Variants in USP5 observed in about 807,000 individuals in gnomAD.
USP5 encodes ubiquitin specific peptidase 5.
A neutral mutation model predicts 102.5 loss-of-function variants in USP5; 24 were observed. The ratio of observed to expected loss-of-function variants is 0.23; its 90% CI spans 0.17 to 0.33. The LOEUF (loss-of-function observed/expected upper bound fraction) is 0.33, where lower values mean the gene tolerates loss of function less well. Among genes scored for constraint, USP5 ranks in the 10% least tolerant of loss-of-function variants. USP5 has a pLI of 1.00. For synonymous variants in USP5, 460 were observed against 434.8 expected (o/e 1.06, Z -0.72); for missense variants, 753 against 1,122.1 (o/e 0.67, Z 4.70).
rs781920743 is a variant in USP5, at chr12:6,863,794, A to T, written c.1955-36A>T. On this transcript the variant is annotated intron_variant, in intron 15 of 19. Coordinates refer to ENST00000229268, the MANE Select transcript of USP5 (RefSeq NM_001098536.2). This position sits in a 1 kb window ranked among gnomAD's most constrained non-coding sequence, Gnocchi z 4.7. ...GGGAGGAGGAGCAAACAGTGGCCCAATCAGTCGGTCCGTGTACCCACAATT... is the reference window on the plus strand; with the variant it reads ...GGGAGGAGGAGCAAACAGTGGCCCATTCAGTCGGTCCGTGTACCCACAATT... 28 of 1,525,030 alleles carry T rather than the reference A, an allele frequency of 1.8e-5. No individual in the cohort carries two copies. Among genetic ancestry groups the T allele is most frequent in the Non-Finnish European group, 2.5e-5 (28 of 1,132,476 alleles). 94.5% of individuals were successfully genotyped at this position (1,525,030 alleles called of 1,614,324 possible).
At chr12:6,862,881 G>A (rs1944319221) in intron 14 of USP5, among the ~76,000 whole-genome samples, 1 of 152,146 alleles carries the variant, frequency 6.6e-6, no homozygotes, top group African/African-American at 2.4e-5. Context: ...AACTCGTGAT[G>A]TACCTTCATT....
Position 6,856,999 on chromosome 12 carries a change from A to G in USP5, c.769+108A>G. 4 of 1,401,720 alleles carry G rather than the reference A, an allele frequency of 2.9e-6. No homozygotes were observed. Among genetic ancestry groups the G allele is most frequent in the Non-Finnish European group, 2.9e-6 (3 of 1,050,250 alleles). 86.8% of individuals were successfully genotyped at this position (1,401,720 alleles called of 1,614,324 possible). Reference sequence around the variant, plus strand: ...GAATGCATTATCTTGATAAGAAAGGAAAGTAGTCAGGTGCGGTGGCTCATG... The same window carrying G: ...GAATGCATTATCTTGATAAGAAAGGGAAGTAGTCAGGTGCGGTGGCTCATG... On this transcript the variant is annotated intron_variant, in intron 6 of 19. Coordinates refer to ENST00000229268, the MANE Select transcript of USP5 (RefSeq NM_001098536.2). This position sits in a 1 kb window ranked among gnomAD's most constrained non-coding sequence, Gnocchi z 5.6.
In USP5 at chr12:6,855,935, G is replaced by T; in HGVS notation, c.305-82G>T. ...TTGATGGCCCTAGAACTCTGGATGG[G>T]GCAAGTGAGGTGCTGGCTCGGAGGA... On this transcript the variant is annotated intron_variant, in intron 3 of 19. Transcript: ENST00000229268. This position sits in a 1 kb window ranked among gnomAD's most constrained non-coding sequence, Gnocchi z 4.6. The T allele has an allele frequency of 1.2e-6, 2 of 1,606,004 alleles. No homozygotes were observed. The highest frequency in any genetic ancestry group is 1.7e-6 in the Non-Finnish European group (2 of 1,173,982).
chr12:6,855,712 G>C lies in USP5; in HGVS notation c.238-43G>C, dbSNP rs781931263. On this transcript the variant is annotated intron_variant, in intron 2 of 19. Coordinates refer to ENST00000229268, the MANE Select transcript of USP5 (RefSeq NM_001098536.2). The surrounding 1 kb of genome is among the most constrained non-coding windows in gnomAD (Gnocchi z 4.6). ...GTCCCTCCTCCCGACTTGTTCCTTC[G>C]CTCGTGCTCATTGCTGATCCAGCCC... 1.2e-6 allele frequency: 2 copies of C among 1,612,734 alleles called. No homozygotes were observed. The highest frequency in any genetic ancestry group is 1.1e-5 in the South Asian group (1 of 90,998).
In USP5 at chr12:6,861,977, A is replaced by T. The variant is rs1362256576; in HGVS notation, c.1673+360A>T. ...CCACACTTTGAGCCTAGCCATTGGC[A>T]CCTGGCATGGGTGTGAGACCTGAAA... is the stretch of plus-strand genomic sequence containing the variant. On this transcript the variant is annotated intron_variant, in intron 13 of 19. Transcript: ENST00000229268. The surrounding 1 kb of genome is among the most constrained non-coding windows in gnomAD (Gnocchi z 4.9). 6.6e-6 allele frequency among the ~76,000 whole-genome samples: 1 copy of T among 151,746 alleles called. No homozygotes were observed. The highest frequency in any genetic ancestry group is 1.9e-4 in the East Asian group (1 of 5,174).
In USP5 at chr12:6,863,130, C is replaced by G. The variant is rs746003386; in HGVS notation, c.1763-56C>G. The G allele has an allele frequency of 6.0e-5, 93 of 1,537,866 alleles. No individual in the cohort carries two copies. Among genetic ancestry groups the G allele is most frequent in the Non-Finnish European group, 8.1e-5 (93 of 1,142,234 alleles). On this transcript the variant is annotated intron_variant, in intron 14 of 19. Coordinates refer to ENST00000229268, the MANE Select transcript of USP5 (RefSeq NM_001098536.2). This position sits in a 1 kb window ranked among gnomAD's most constrained non-coding sequence, Gnocchi z 4.7. ...ATAGGGGGCAGGGGATTGAGGTTCC[C>G]GAATCACTTTCCAGGTAGGCCTCCG...
At chr12:6,857,409 A>G (rs1348735384) in intron 6 of USP5, 5 of 515,384 alleles carry the variant, frequency 9.7e-6, no homozygotes, top group Non-Finnish European at 1.7e-5. Context: ...CAGAATCACA[A>G]GTAATTCCAA....
chr12:6,855,715 C>T lies in USP5; in HGVS notation c.238-40C>T, dbSNP rs140615476. On this transcript the variant is annotated intron_variant, in intron 2 of 19. Transcript: ENST00000229268. The surrounding 1 kb of genome is among the most constrained non-coding windows in gnomAD (Gnocchi z 4.6). ...CCTCCTCCCGACTTGTTCCTTCGCT[C>T]GTGCTCATTGCTGATCCAGCCCTTC... 2.1e-5 allele frequency: 34 copies of T among 1,613,090 alleles called. No individual in the cohort carries two copies. In the East Asian group the frequency reaches 4.0e-4, roughly 19 times the overall value.
Position 6,861,117 on chromosome 12 carries a change from C to G in USP5, c.1498+11C>G. 1 of 1,613,640 alleles carries G rather than the reference C, an allele frequency of 6.2e-7. No individual in the cohort carries two copies. Among genetic ancestry groups the G allele is most frequent in the Non-Finnish European group, 8.5e-7 (1 of 1,179,714 alleles). On this transcript the variant is annotated intron_variant, in intron 12 of 19. Coordinates refer to ENST00000229268, the MANE Select transcript of USP5 (RefSeq NM_001098536.2). The surrounding 1 kb of genome is among the most constrained non-coding windows in gnomAD (Gnocchi z 4.9). ...CAGCCCTTAACAAAGGTAGGCTGCT[C>G]CATCAGCAAGGCCGTGGCACGGTGG...
At position 6,855,375 on chromosome 12, in the gene USP5, T is replaced by G; in HGVS notation, c.112-26T>G. On this transcript the variant is annotated intron_variant, in intron 1 of 19. Coordinates refer to ENST00000229268, the MANE Select transcript of USP5 (RefSeq NM_001098536.2). This position sits in a 1 kb window ranked among gnomAD's most constrained non-coding sequence, Gnocchi z 4.6. The stretch of plus-strand genomic sequence containing the variant: ...ACCAGGCTTCATAACATCCTCGTGT[T>G]TTCACCCTTACCTCTTGTCCCACAG... The G allele has an allele frequency of 6.2e-7, 1 of 1,612,032 alleles. No homozygotes were observed. The highest frequency in any genetic ancestry group is 8.5e-7 in the Non-Finnish European group (1 of 1,179,302).
At position 6,866,117 on chromosome 12, in the gene USP5, C is replaced by A; in HGVS notation, c.*40C>A. 6.4e-7 allele frequency: 1 copy of A among 1,569,274 alleles called. No individual in the cohort carries two copies. The highest frequency in any genetic ancestry group is 8.8e-7 in the Non-Finnish European group (1 of 1,139,536). On this transcript the variant is annotated 3_prime_UTR_variant, in exon 20 of 20. Transcript: ENST00000229268. The surrounding 1 kb of genome is among the most constrained non-coding windows in gnomAD (Gnocchi z 4.7). Reference sequence around the variant, plus strand: ...CCTTACCAATGAGGGCAGGGGAAGACCACCTGGCATGAGGGAGAGGGGCTG... The same window carrying A: ...CCTTACCAATGAGGGCAGGGGAAGAACACCTGGCATGAGGGAGAGGGGCTG...
chr12:6,852,351 G>C, intron 1 of USP5, 61 bp downstream of exon 1: 1 of 1,509,950 alleles, frequency 6.6e-7, no homozygotes, highest in Non-Finnish European at 9.0e-7. Context: ...TGGTCATTCC[G>C]CTGGGGCCTG....
Position 6,855,540 on chromosome 12 carries a change from T to C in USP5, c.237+14T>C. The stretch of plus-strand genomic sequence containing the variant: ...ACCCGGCGCCCGGTAGGAGCAGGGC[T>C]GGGGCAAGGCCTGGGTACATTGTCT... On this transcript the variant is annotated intron_variant, in intron 2 of 19. Coordinates refer to ENST00000229268, the MANE Select transcript of USP5 (RefSeq NM_001098536.2). The surrounding 1 kb of genome is among the most constrained non-coding windows in gnomAD (Gnocchi z 4.6). 6.2e-7 allele frequency: 1 copy of C among 1,613,870 alleles called. No homozygotes were observed. Among genetic ancestry groups the C allele is most frequent in the Non-Finnish European group, 8.5e-7 (1 of 1,179,972 alleles).
chr12:6,855,479 A>C lies in USP5; in HGVS notation c.190A>C (p.Lys64Gln), dbSNP rs1555127926. The C allele has an allele frequency of 6.2e-7, 1 of 1,614,194 alleles. No individual in the cohort carries two copies. The highest frequency in any genetic ancestry group is 8.5e-7 in the Non-Finnish European group (1 of 1,180,028). ...ACAGTATGTGGAGAGACATTTCAAT[A>C]AGACCGGCCAGCGAGTCTACTTGCA... Reference protein sequence around the residue: ...GKQYVERHFNKTGQRVYLHLR... With the variant: ...GKQYVERHFNQTGQRVYLHLR... Residue 64 changes from lysine to glutamine, a missense_variant, in exon 2 of 20, where the codon AAG (lysine) becomes CAG (glutamine). By Grantham distance (53) the Lys-to-Gln change is moderately conservative (BLOSUM62 1). Around this residue, in one of 3 missense-constraint regions of USP5, gnomAD observed 527 missense variants for 816.5 expected, o/e 0.65. Coordinates refer to ENST00000229268, the MANE Select transcript of USP5 (RefSeq NM_001098536.2). The surrounding 1 kb of genome is among the most constrained non-coding windows in gnomAD (Gnocchi z 4.6).
Position 6,866,244 on chromosome 12 carries a change from G to A in USP5, c.*167G>A, listed in dbSNP as rs1944441513. On this transcript the variant is annotated 3_prime_UTR_variant, in exon 20 of 20. Transcript: ENST00000229268. This position sits in a 1 kb window ranked among gnomAD's most constrained non-coding sequence, Gnocchi z 4.7. ...TGGGAGAATGGCTGGGCAGAGCAGA[G>A]GGGCAGCGATAGACTCTGGGGATGG... 2 of 639,422 alleles carry A rather than the reference G, an allele frequency of 3.1e-6. No homozygotes were observed. The highest frequency in any genetic ancestry group is 5.4e-6 in the Non-Finnish European group (2 of 369,134). 39.6% of individuals were successfully genotyped at this position (639,422 alleles called of 1,614,324 possible). A position where few individuals can be genotyped will look rare whatever the true frequency, so the allele number is the denominator to read the frequency against.
Position 6,855,602 on chromosome 12 carries a change from T to G in USP5, c.237+76T>G. 6.3e-7 allele frequency: 1 copy of G among 1,591,252 alleles called. No homozygotes were observed. Among genetic ancestry groups the G allele is most frequent in the African/African-American group, 1.4e-5 (1 of 73,852 alleles). On this transcript the variant is annotated intron_variant, in intron 2 of 19. Transcript: ENST00000229268. The surrounding 1 kb of genome is among the most constrained non-coding windows in gnomAD (Gnocchi z 4.6). ...ACCTCCTATTGGACTCAGTTTCTTT[T>G]TTTCACCTACTTTTGTGTCATTAAA...
At position 6,866,193 on chromosome 12, in the gene USP5, G is replaced by A. The variant is rs1221114439; in HGVS notation, c.*116G>A. Reference sequence around the variant, plus strand: ...CTGTACCCTTTTTCCTTTTGTCCCCGGCAGCAGGGAAGAAGCTGGAGGCCG... The same window carrying A: ...CTGTACCCTTTTTCCTTTTGTCCCCAGCAGCAGGGAAGAAGCTGGAGGCCG... On this transcript the variant is annotated 3_prime_UTR_variant, in exon 20 of 20. Coordinates refer to ENST00000229268, the MANE Select transcript of USP5 (RefSeq NM_001098536.2). The surrounding 1 kb of genome is among the most constrained non-coding windows in gnomAD (Gnocchi z 4.7). 4.1e-6 allele frequency: 4 copies of A among 966,168 alleles called. No homozygotes were observed. The highest frequency in any genetic ancestry group is 5.0e-5 in the Admixed American group (2 of 40,050). 59.8% of individuals were successfully genotyped at this position (966,168 alleles called of 1,614,324 possible). A position where few individuals can be genotyped will look rare whatever the true frequency, so the allele number is the denominator to read the frequency against.
Position 6,855,875 on chromosome 12 carries a change from A to C in USP5, c.304+54A>C. ...CCCTGAGCTGGTCTTTCTGGCTCTC[A>C]GCAGCACCAGGAAAGCCCCAAAGAG... On this transcript the variant is annotated intron_variant, in intron 3 of 19. Coordinates refer to ENST00000229268, the MANE Select transcript of USP5 (RefSeq NM_001098536.2). This position sits in a 1 kb window ranked among gnomAD's most constrained non-coding sequence, Gnocchi z 4.6. The C allele has an allele frequency of 6.2e-7, 1 of 1,612,462 alleles. No individual in the cohort carries two copies. Among genetic ancestry groups the C allele is most frequent in the South Asian group, 1.1e-5 (1 of 90,976 alleles).
Position 6,860,458 on chromosome 12 carries a change from G to A in USP5, c.1311G>A (p.Gln437=). 6.2e-7 allele frequency: 1 copy of A among 1,614,110 alleles called. No individual in the cohort carries two copies. Among genetic ancestry groups the A allele is most frequent in the Non-Finnish European group, 8.5e-7 (1 of 1,180,022 alleles). The change falls in exon 11 of 20, where the codon CAG becomes CAA. Residue 437 remains glutamine, a synonymous_variant. Transcript: ENST00000229268. This position sits in a 1 kb window ranked among gnomAD's most constrained non-coding sequence, Gnocchi z 5.5. ...EFSTNRQQDA[Q]EFFLHLINMV... Reference sequence around the variant, plus strand: ...CCACCAACCGGCAGCAGGATGCCCAGGAGTTCTTCCTTCACCTTATCAACA... The same window carrying A: ...CCACCAACCGGCAGCAGGATGCCCAAGAGTTCTTCCTTCACCTTATCAACA...
Sources: allele counts gnomAD v4.1 joint callset (sites outside exome capture counted in the v4.1 genomes callset), GRCh38; gene constraint gnomAD v4.1.1; regional missense constraint gnomAD v4.1.1; non-coding constraint Gnocchi (gnomAD v3.1); transcripts MANE v1.5; gene names NCBI Gene and HGNC (gene_info 2026-07-23, HGNC 2026-07-21).